The following ATP2C2 variants were observed in gnomAD, a reference collection of about 807,000 sequenced individuals.
ATP2C2 encodes ATPase secretory pathway Ca2+ transporting 2, also known as calcium-transporting ATPase type 2C member 2.
In ATP2C2, 171 loss-of-function variants were observed where a neutral mutation model predicts 110.8. The observed-to-expected ratio is 1.54, with a 90% CI of 1.36 to 1.75. ATP2C2 has a LOEUF of 1.75. ATP2C2 is among the 40% of genes most tolerant of loss of function. The pLI, the probability that ATP2C2 is intolerant of heterozygous loss-of-function variation, is 0.00. For synonymous variants in ATP2C2, 804 were observed against 508.4 expected, an observed-to-expected ratio of 1.58 and a Z score of -7.82; for missense variants, 1,963 against 1,235.0, an observed-to-expected ratio of 1.59 and a Z score of -8.84.
chr16:84,387,406 G>A lies in ATP2C2; in HGVS notation c.100-11093G>A, dbSNP rs1328488100. ...AGGTGCCTGTAATCCCAGCCACTCA[G>A]GAGGCTGAGGCAGGAGAATCACTTG... On this transcript the variant is annotated intron_variant, in intron 1 of 26. Transcript: ENST00000262429. 2.6e-5 allele frequency among the ~76,000 whole-genome samples: 4 copies of A among 152,182 alleles called. No homozygotes were observed. In the South Asian group the frequency reaches 8.3e-4, roughly 32 times the overall value.
chr16:84,447,647 A>G (rs1315001083), intron 16 of ATP2C2, among the ~76,000 whole-genome samples: 1 of 140,138 alleles, frequency 7.1e-6, no homozygotes, highest in Non-Finnish European at 1.5e-5. Context: ...CATATTAATT[A>G]TATAATATGT....
Position 84,454,870 on chromosome 16 carries a change from A to G in ATP2C2, c.2033A>G (p.Asp678Gly). Residue 678 changes from aspartate to glycine, a missense_variant, in exon 21 of 27, where the codon GAC (aspartate) becomes GGC (glycine). By Grantham distance (94) the Asp-to-Gly change is moderately conservative. Transcript: ENST00000262429. ...IVAMTGDGVNDAVALKSADIG... is the reference protein window; with the variant it reads ...IVAMTGDGVNGAVALKSADIG... Reference sequence around the variant, plus strand: ...GCCATGACTGGGGATGGGGTGAACGACGCAGTGGCCCTGAAGTCTGCAGAC... The same window carrying G: ...GCCATGACTGGGGATGGGGTGAACGGCGCAGTGGCCCTGAAGTCTGCAGAC... The G allele has an allele frequency of 6.2e-7, 1 of 1,613,822 alleles. No homozygotes were observed. Among genetic ancestry groups the G allele is most frequent in the Non-Finnish European group, 8.5e-7 (1 of 1,179,876 alleles).
At chr16:84,433,248 TG>T (rs1908436912) in intron 11 of ATP2C2, among the ~76,000 whole-genome samples, 2 of 151,894 alleles carry the variant, frequency 1.3e-5, no homozygotes, top group Admixed American at 1.3e-4. Context: ...CCAGGTATGG[TG>T]GTGCACGCTT....
chr16:84,461,897 G>A (rs913187374), intron 25 of ATP2C2, 85 bp downstream of exon 25: 215 of 1,606,068 alleles, frequency 1.3e-4, no homozygotes, highest in Non-Finnish European at 1.6e-4. Context: ...AGCATTGAGC[G>A]GCTCTGGCTC....
At chr16:84,454,441 A>C (rs1477462926) in intron 20 of ATP2C2, among the ~76,000 whole-genome samples, 1 of 152,148 alleles carries the variant, frequency 6.6e-6, no homozygotes, top group Non-Finnish European at 1.5e-5. Context: ...GTTACTCCTC[A>C]AAGAAGGTAG....
In ATP2C2 at chr16:84,440,945, G is replaced by C. The variant is rs1909197812; in HGVS notation, c.1298G>C (p.Gly433Ala). The change falls in exon 14 of 27, where the codon GGA becomes GCA. Residue 433 changes from glycine (G) to alanine (A), a missense_variant. Physicochemically the swap from Gly to Ala is moderately conservative, Grantham distance 60 (BLOSUM62 0). Coordinates refer to ENST00000262429, the MANE Select transcript of ATP2C2 (RefSeq NM_014861.4). ...AAGGAATTTTCCAATGTCTCAGTGG[G>C]AAAGTTAGTGGAGGTAGGTGTCAAA... Reference protein sequence around the residue: ...VIKEFSNVSVGKLVEAGCVAN... With the variant: ...VIKEFSNVSVAKLVEAGCVAN... 1 of 1,611,636 alleles carries C rather than the reference G, an allele frequency of 6.2e-7. No homozygotes were observed. The highest frequency in any genetic ancestry group is 8.5e-7 in the Non-Finnish European group (1 of 1,178,852).
chr16:84,459,943 G>A (rs1054258569), intron 23 of ATP2C2: 7 of 268,236 alleles, frequency 2.6e-5, no homozygotes, highest in Non-Finnish European at 5.1e-5. Flanking sequence ...CAACAAGCTG[G>A]CCAAGTGGTG....
intron 11 of ATP2C2, 136 bp from the exon 12 acceptor site, chr16:84,439,030 T>G: frequency 7.5e-7 from 1 of 1,328,004 alleles, no homozygotes; most frequent in Non-Finnish European, 1.0e-6. Context: ...ACCTTAGGAT[T>G]GGGAATGGAG....
At chr16:84,414,659 A>G (rs1906677020) in intron 6 of ATP2C2, among the ~76,000 whole-genome samples, 1 of 152,138 alleles carries the variant, frequency 6.6e-6, no homozygotes, top group Non-Finnish European at 1.5e-5. Flanking sequence ...GGATACCTCA[A>G]CAAGATCAAA....
chr16:84,460,401 T>G (rs763727589), intron 23 of ATP2C2: 3 of 564,000 alleles, frequency 5.3e-6, no homozygotes, highest in Non-Finnish European at 9.6e-6. Flanking sequence ...GAACTGTGTG[T>G]GGTTGGCCTT....
rs1231584655 is a variant in ATP2C2 at position 84,415,531 on chromosome 16, T to G, written c.564T>G (p.Pro188=). ...LQHLLARELV[P]GDVVSLSIGD... is the part of the protein sequence containing the mutation. ...ACCTGCTTGCTCGAGAACTGGTTCC[T>G]GGTGATGTCGTATCTCTCTCGATCG... is the stretch of plus-strand genomic sequence containing the variant. The change falls in exon 7 of 27, where the codon CCT becomes CCG. Residue 188 remains proline, a synonymous_variant. Coordinates refer to ENST00000262429, the MANE Select transcript of ATP2C2 (RefSeq NM_014861.4). 1 of 1,614,086 alleles carries G rather than the reference T, an allele frequency of 6.2e-7. No homozygotes were observed. Among genetic ancestry groups the G allele is most frequent in the Non-Finnish European group, 8.5e-7 (1 of 1,180,046 alleles).
chr16:84,440,690 G>A (rs572728204), intron 13 of ATP2C2, among the ~76,000 whole-genome samples, 167 bp from the exon 14 acceptor site: 20 of 152,304 alleles, frequency 1.3e-4, no homozygotes, highest in Admixed American at 3.3e-4. Flanking sequence ...CATCCATGAC[G>A]TATCCAATTA....
intron 1 of ATP2C2, among the ~76,000 whole-genome samples, chr16:84,385,713 G>A (rs574909602): frequency 8.1e-4 from 123 of 152,272 alleles, no homozygotes; most frequent in African/African-American, 2.6e-3. Flanking sequence ...TTCACAGAGC[G>A]GCAGGAGAGA....
At chr16:84,396,043 C>G (rs1904952580) in intron 1 of ATP2C2, among the ~76,000 whole-genome samples, 1 of 152,086 alleles carries the variant, frequency 6.6e-6, no homozygotes, top group Non-Finnish European at 1.5e-5. Flanking sequence ...TTTTAGGGAC[C>G]TCCTGTAACT....
At position 84,380,344 on chromosome 16, in the gene ATP2C2, G is replaced by A. The variant is rs116105966; in HGVS notation, c.99+11630G>A. Among the ~76,000 whole-genome samples the A allele has an allele frequency of 7.5e-3, 1,149 of 152,254 alleles. 18 individuals carry two copies. Among genetic ancestry groups the A allele is most frequent in the African/African-American group, 0.025 (1,045 of 41,542 alleles). On this transcript the variant is annotated intron_variant, in intron 1 of 26. Transcript: ENST00000262429. ...TACTATCTTGTGTGAACCGGGAATT[G>A]TATGTTTTTTTTCTTCTTTCCCTTT... is the stretch of plus-strand genomic sequence containing the variant.
Position 84,446,417 on chromosome 16 carries a change from G to A in ATP2C2, c.1490G>A (p.Ser497Asn). Residue 497 changes from serine (S) to asparagine (N), a missense_variant, in exon 16 of 27, where the codon AGT (serine) becomes AAT (asparagine). Ser to Asn is a conservative substitution (Grantham distance 46). Transcript: ENST00000262429. Reference sequence around the variant, plus strand: ...CAGAAGTGGATGGCGGTGAAATGCAGTCTGAAGACTGAGGTGAGACCTTTC... The same window carrying A: ...CAGAAGTGGATGGCGGTGAAATGCAATCTGAAGACTGAGGTGAGACCTTTC... ...SEQKWMAVKCSLKTEDQEDIY... is the reference protein window; with the variant it reads ...SEQKWMAVKCNLKTEDQEDIY... 1 of 1,601,864 alleles carries A rather than the reference G, an allele frequency of 6.2e-7. No homozygotes were observed. The highest frequency in any genetic ancestry group is 1.1e-5 in the South Asian group (1 of 88,560).
intron 3 of ATP2C2, 79 bp downstream of exon 3, chr16:84,405,323 T>TGAAA: frequency 2.4e-6 from 3 of 1,226,294 alleles, no homozygotes; most frequent in Non-Finnish European, 3.5e-6. Context: ...CTTTCAATGT[T>TGAAA]GATGGAAGGC....
At chr16:84,414,987 G>C (rs1170623803) in intron 6 of ATP2C2, among the ~76,000 whole-genome samples, 1 of 152,088 alleles carries the variant, frequency 6.6e-6, no homozygotes, top group Non-Finnish European at 1.5e-5. Flanking sequence ...TGGTGTGGGG[G>C]ATTCCATTTG....
chr16:84,427,247 A>G (rs1015795824), intron 11 of ATP2C2, among the ~76,000 whole-genome samples: 2 of 152,200 alleles, frequency 1.3e-5, no homozygotes. Flanking sequence ...ACAAACTTAG[A>G]TGTCCATCAG....
Sources: gnomAD v4.1 joint callset for allele counts (sites outside exome capture counted in the v4.1 genomes callset) on GRCh38, gnomAD v4.1.1 for gene constraint, MANE v1.5 for transcripts, NCBI Gene and HGNC (gene_info 2026-07-23, HGNC 2026-07-21) for gene names.